ERBB4: variants seen among roughly 807,000 people sequenced by gnomAD.
ERBB4 encodes erb-b2 receptor tyrosine kinase 4, also known as receptor tyrosine-protein kinase erbB-4.
A neutral mutation model predicts 158.0 loss-of-function variants in ERBB4; 42 were observed. The ratio of observed to expected loss-of-function variants is 0.27; its 90% confidence interval spans 0.21 to 0.34. The LOEUF is 0.34. Among genes scored for constraint, ERBB4 ranks in the 10% least tolerant of loss-of-function variants. ERBB4 has a pLI of 1.00. For synonymous variants in ERBB4, 583 were observed against 558.7 expected, an observed-to-expected ratio of 1.04 and a Z score of -0.61; for missense variants, 1,333 against 1,624.1, an observed-to-expected ratio of 0.82 and a Z score of 3.08.
Position 212,268,898 on chromosome 2 carries a change from C to T in ERBB4, c.83-143995G>A, listed in dbSNP as rs190010576. On this transcript the variant is annotated intron_variant, in intron 1 of 27. Transcript: ENST00000342788. ...CTTTGTTCCTTTTTTATTGAATTATCATACCAGAAAGAAACACTAGTAGTA... is the reference window on the plus strand; with the variant it reads ...CTTTGTTCCTTTTTTATTGAATTATTATACCAGAAAGAAACACTAGTAGTA... Among the ~76,000 whole-genome samples the T allele has an allele frequency of 2.0e-5, 3 of 151,832 alleles. No homozygotes were observed. The East Asian group carries it at 5.8e-4, about 29-fold the overall frequency.
At chr2:211,555,164 C>A (rs989397698) in intron 20 of ERBB4, among the ~76,000 whole-genome samples, 1 of 152,000 alleles carries the variant, frequency 6.6e-6, no homozygotes, top group Non-Finnish European at 1.5e-5. Flanking sequence ...AAGAAACAAA[C>A]AATTTTGGTG....
intron 1 of ERBB4, among the ~76,000 whole-genome samples, chr2:212,228,887 A>T (rs899476510): frequency 3.3e-5 from 5 of 152,232 alleles, no homozygotes; most frequent in African/African-American, 1.2e-4. Context: ...AAATTTCAAC[A>T]AATTGGATCA....
At chr2:211,529,569 GC>G (rs1370401885) in intron 20 of ERBB4, among the ~76,000 whole-genome samples, 5 of 151,958 alleles carry the variant, frequency 3.3e-5, no homozygotes, top group Non-Finnish European at 7.4e-5. Flanking sequence ...GGCCAATATC[GC>G]TGATGAACAC....
In ERBB4 at chr2:211,750,219, G is replaced by A. The variant is rs1297469409; in HGVS notation, c.622+420C>T. Among the ~76,000 whole-genome samples the A allele has an allele frequency of 3.9e-5, 6 of 152,262 alleles. No homozygotes were observed. The South Asian group carries it at 1.2e-3, about 32-fold the overall frequency. ...CTGGAACAGTGCCTGGAAAAATACA[G>A]TGGGTACATAGTACCCTTTCTTTTT... On this transcript the variant is annotated intron_variant, in intron 5 of 27. Transcript: ENST00000342788.
At chr2:211,933,955 A>G (rs1193475881) in intron 3 of ERBB4, among the ~76,000 whole-genome samples, 1 of 152,054 alleles carries the variant, frequency 6.6e-6, no homozygotes. Flanking sequence ...TGAGCTCAAA[A>G]TAAAACAACA....
At chr2:211,832,591 C>T (rs1045053953) in intron 3 of ERBB4, among the ~76,000 whole-genome samples, 1 of 150,038 alleles carries the variant, frequency 6.7e-6, no homozygotes, top group Non-Finnish European at 1.5e-5. Flanking sequence ...TATATATATA[C>T]ACATAAACGT....
chr2:211,411,642 G>C lies in ERBB4; in HGVS notation c.3135+8799C>G, dbSNP rs545906126. On this transcript the variant is annotated intron_variant, in intron 25 of 27. Coordinates refer to ENST00000342788, the MANE Select transcript of ERBB4 (RefSeq NM_005235.3). ...CTGGGCAGTTTTGTGTGTGTGAGTTGGAGAAGAGTGGAAAATAAATTGCAG... is the reference window on the plus strand; with the variant it reads ...CTGGGCAGTTTTGTGTGTGTGAGTTCGAGAAGAGTGGAAAATAAATTGCAG... Among the ~76,000 whole-genome samples, 17 of 152,268 alleles carry C rather than the reference G, an allele frequency of 1.1e-4. No individual in the cohort carries two copies. In the East Asian group the frequency reaches 3.3e-3, roughly 29 times the overall value.
chr2:212,321,643 T>C (rs1301599406), intron 1 of ERBB4, among the ~76,000 whole-genome samples: 2 of 150,564 alleles, frequency 1.3e-5, no homozygotes, highest in Non-Finnish European at 3.0e-5. Context: ...AAACTAGGAT[T>C]GTACCATTGC....
intron 1 of ERBB4, among the ~76,000 whole-genome samples, chr2:212,303,560 T>G (rs532840544): frequency 6.6e-6 from 1 of 151,588 alleles, no homozygotes; most frequent in South Asian, 2.1e-4. Flanking sequence ...TATGGAAGTC[T>G]TCCTGAATGT....
chr2:211,756,223 T>C (rs566734158), intron 4 of ERBB4, among the ~76,000 whole-genome samples: 3 of 152,196 alleles, frequency 2.0e-5, no homozygotes, highest in African/African-American at 7.2e-5. Flanking sequence ...CCATAATATT[T>C]GCGAAAATAT....
chr2:212,274,461 G>A (rs866775093), intron 1 of ERBB4, among the ~76,000 whole-genome samples: 12 of 151,820 alleles, frequency 7.9e-5, no homozygotes, highest in African/African-American at 2.9e-4. Context: ...GCATCACATG[G>A]CATGTTAGGT....
chr2:211,577,525 C>G (rs574757870), intron 19 of ERBB4, among the ~76,000 whole-genome samples: 2 of 152,152 alleles, frequency 1.3e-5, no homozygotes, highest in Admixed American at 1.3e-4. Flanking sequence ...AAACTTCAGG[C>G]CAATATCCCT....
At chr2:212,480,798 G>A (rs915226333) in intron 1 of ERBB4, among the ~76,000 whole-genome samples, 1 of 152,164 alleles carries the variant, frequency 6.6e-6, no homozygotes, top group Non-Finnish European at 1.5e-5. Context: ...TTATTTGAAG[G>A]CTTTTAAAAG....
chr2:211,999,613 G>A (rs10174063), intron 2 of ERBB4, among the ~76,000 whole-genome samples: 75,990 of 151,434 alleles, frequency 0.5, 20,980 homozygotes, highest in Non-Finnish European at 0.62. Context: ...TTGTAAAATC[G>A]GCATGGGCAC....
At chr2:211,988,618 A>G (rs913650141) in intron 2 of ERBB4, among the ~76,000 whole-genome samples, 16 of 152,044 alleles carry the variant, frequency 1.1e-4, no homozygotes, top group Admixed American at 6.6e-5. Flanking sequence ...TGAAGATGGG[A>G]ATAAGACAGG....
Position 211,953,485 on chromosome 2 carries a change from A to G in ERBB4, c.235-5869T>C, listed in dbSNP as rs975738589. Among the ~76,000 whole-genome samples, 202 of 150,986 alleles carry G rather than the reference A, an allele frequency of 1.3e-3. 1 individual carries two copies. In the East Asian group the frequency reaches 0.016, roughly 12 times the overall value. On this transcript the variant is annotated intron_variant, in intron 2 of 27. Coordinates refer to ENST00000342788, the MANE Select transcript of ERBB4 (RefSeq NM_005235.3). ...TTCTCCAAAAAAAAAAAAAAAAAAAAAAGAAGAAGAAGAATGCCCTAGCAA... is the reference window on the plus strand; with the variant it reads ...TTCTCCAAAAAAAAAAAAAAAAAAAGAAGAAGAAGAAGAATGCCCTAGCAA...
At chr2:211,587,384 T>G (rs867539130) in intron 19 of ERBB4, among the ~76,000 whole-genome samples, 17 of 152,072 alleles carry the variant, frequency 1.1e-4, no homozygotes, top group Admixed American at 1.0e-3. Flanking sequence ...CACGCTGGAA[T>G]AGAGCATACC....
At chr2:212,266,187 T>G (rs2085129629) in intron 1 of ERBB4, among the ~76,000 whole-genome samples, 1 of 151,858 alleles carries the variant, frequency 6.6e-6, no homozygotes, top group South Asian at 2.1e-4. Context: ...TTCATTTTCT[T>G]TTCCTGGAAA....
chr2:211,450,575 T>C (rs1559180317), intron 20 of ERBB4, among the ~76,000 whole-genome samples: 1 of 152,128 alleles, frequency 6.6e-6, no homozygotes, highest in Non-Finnish European at 1.5e-5. Context: ...CTATCAACAT[T>C]ACTTAATGTC....
Sources: gnomAD v4.1 joint callset for allele counts (sites outside exome capture counted in the v4.1 genomes callset) on GRCh38, gnomAD v4.1.1 for gene constraint, MANE v1.5 for transcripts, NCBI Gene and HGNC (gene_info 2026-07-23, HGNC 2026-07-21) for gene names.